SLC15A5: variants seen among roughly 807,000 people sequenced by gnomAD.
SLC15A5 encodes Peptide/histidine transporter ENSP00000340402.
In SLC15A5, 58 loss-of-function variants were observed where a neutral mutation model predicts 56.1. The ratio of observed to expected loss-of-function variants is 1.03; its 90% CI spans 0.84 to 1.29. The LOEUF (loss-of-function observed/expected upper bound fraction) is 1.29, where lower values mean the gene tolerates loss of function less well. Ranked by LOEUF, SLC15A5 falls within the 50% of genes most tolerant of loss-of-function variation. SLC15A5 has a pLI of 0.00. For synonymous variants in SLC15A5, 264 were observed against 250.5 expected, an observed-to-expected ratio of 1.05 and a Z score of -0.51; for missense variants, 681 against 672.1, an observed-to-expected ratio of 1.01 and a Z score of -0.15.
At chr12:16,276,269 G>A (rs939327072) in intron 1 of SLC15A5, among the ~76,000 whole-genome samples, 1 of 151,820 alleles carries the variant, frequency 6.6e-6, no homozygotes, top group Admixed American at 6.6e-5. Context: ...ACCTGCCTGA[G>A]ATTGTGTGAT....
intron 5 of SLC15A5, among the ~76,000 whole-genome samples, chr12:16,229,639 C>CACACAT (rs1864275312): frequency 9.0e-6 from 1 of 111,654 alleles, no homozygotes; most frequent in Non-Finnish European, 1.8e-5. Context: ...GTAAGCAACA[C>CACACAT]ACACACATAC....
chr12:16,213,735 A>G (rs1333856758), intron 7 of SLC15A5, among the ~76,000 whole-genome samples: 1 of 152,204 alleles, frequency 6.6e-6, no homozygotes, highest in Non-Finnish European at 1.5e-5. Context: ...GATGAGTGGT[A>G]ATTTAAATGG....
intron 7 of SLC15A5, among the ~76,000 whole-genome samples, chr12:16,199,035 C>T (rs1863923381): frequency 6.6e-6 from 1 of 151,972 alleles, no homozygotes; most frequent in Non-Finnish European, 1.5e-5. Context: ...AGGCCAGCTG[C>T]ACTCCACCCG....
rs567983496 is a variant in SLC15A5, at chr12:16,235,917, C to G, written c.1162+3764G>C. 6.6e-6 allele frequency among the ~76,000 whole-genome samples: 1 copy of G among 152,226 alleles called. No individual in the cohort carries two copies. Among genetic ancestry groups the G allele is most frequent in the South Asian group, 2.1e-4 (1 of 4,824 alleles). On this transcript the variant is annotated intron_variant, in intron 5 of 8. Coordinates refer to ENST00000344941, the MANE Select transcript of SLC15A5 (RefSeq NM_001170798.1). The surrounding 1 kb of genome is among the most constrained non-coding windows in gnomAD (Gnocchi z 4.1). Reference sequence around the variant, plus strand: ...CTGGTTATGTATACAGGGACCTACACTGACTGTGACTATATCATAAAAGAC... The same window carrying G: ...CTGGTTATGTATACAGGGACCTACAGTGACTGTGACTATATCATAAAAGAC...
chr12:16,231,240 G>A (rs1864294956), intron 5 of SLC15A5, among the ~76,000 whole-genome samples: 1 of 152,182 alleles, frequency 6.6e-6, no homozygotes, highest in Non-Finnish European at 1.5e-5. Context: ...ATCTAGAGCA[G>A]TTTAGGGACT....
intron 1 of SLC15A5, among the ~76,000 whole-genome samples, chr12:16,276,561 C>T (rs1565677954): frequency 6.6e-6 from 1 of 151,994 alleles, no homozygotes; most frequent in African/African-American, 2.4e-5. Flanking sequence ...GGTTGTCCAT[C>T]CTGTATTGCA....
intron 3 of SLC15A5, among the ~76,000 whole-genome samples, chr12:16,251,860 CAAGAA>C (rs1170862268): frequency 6.6e-6 from 1 of 151,784 alleles, no homozygotes; most frequent in Non-Finnish European, 1.5e-5. Flanking sequence ...AAAGACATAA[CAAGAA>C]AAGTACAGAT....
intron 6 of SLC15A5, among the ~76,000 whole-genome samples, chr12:16,217,708 T>TATC (rs1864144022): frequency 6.6e-6 from 1 of 152,128 alleles, no homozygotes; most frequent in Non-Finnish European, 1.5e-5. Flanking sequence ...GTATTAATCT[T>TATC]ATCAAATTGA....
chr12:16,190,911 T>C (rs1863833205), intron 8 of SLC15A5, among the ~76,000 whole-genome samples: 1 of 152,148 alleles, frequency 6.6e-6, no homozygotes, highest in African/African-American at 2.4e-5. Flanking sequence ...TTCACAACAC[T>C]GGAAGGACAG....
intron 2 of SLC15A5, among the ~76,000 whole-genome samples, chr12:16,270,973 A>C (rs540733198): frequency 8.5e-5 from 13 of 152,310 alleles, no homozygotes; most frequent in African/African-American, 3.1e-4. Context: ...TAACAGCCTG[A>C]TTCTTTATAC....
At chr12:16,229,876 A>G (rs945325070) in intron 5 of SLC15A5, among the ~76,000 whole-genome samples, 1 of 152,190 alleles carries the variant, frequency 6.6e-6, no homozygotes, top group Non-Finnish European at 1.5e-5. Context: ...AAGTAGTGTC[A>G]TCTAATCTTC....
At chr12:16,247,680 G>A (rs1864475838) in intron 3 of SLC15A5, among the ~76,000 whole-genome samples, 2 of 152,050 alleles carry the variant, frequency 1.3e-5, no homozygotes, top group South Asian at 2.1e-4. Context: ...TAGCCAGGAC[G>A]GGTTCAGAAA....
chr12:16,217,247 A>C (rs548939720), intron 6 of SLC15A5, among the ~76,000 whole-genome samples: 1 of 152,292 alleles, frequency 6.6e-6, no homozygotes, highest in East Asian at 1.9e-4. Context: ...CCCAGCTACA[A>C]TGAGAATTTG....
chr12:16,200,196 T>C (rs193085205), intron 7 of SLC15A5, among the ~76,000 whole-genome samples: 1 of 150,120 alleles, frequency 6.7e-6, no homozygotes, highest in Non-Finnish European at 1.5e-5. Flanking sequence ...AATAATATTA[T>C]TAATAATAAT....
chr12:16,262,205 A>G (rs1198081575), intron 2 of SLC15A5, among the ~76,000 whole-genome samples: 2 of 152,258 alleles, frequency 1.3e-5, no homozygotes, highest in African/African-American at 4.8e-5. Flanking sequence ...TAATTCGGCT[A>G]AATATCCTGT....
chr12:16,231,746 G>A (rs1028104968), intron 5 of SLC15A5, among the ~76,000 whole-genome samples: 1 of 152,198 alleles, frequency 6.6e-6, no homozygotes, highest in Non-Finnish European at 1.5e-5. Context: ...AGAAGGCTGA[G>A]GCTGAAAATG....
At chr12:16,259,316 T>A (rs1864615827) in intron 2 of SLC15A5, among the ~76,000 whole-genome samples, 1 of 151,556 alleles carries the variant, frequency 6.6e-6, no homozygotes, top group Non-Finnish European at 1.5e-5. Flanking sequence ...TTTCCTTCAT[T>A]CTTTCCTTCC....
At chr12:16,261,102 G>A (rs1375776555) in intron 2 of SLC15A5, among the ~76,000 whole-genome samples, 1 of 151,816 alleles carries the variant, frequency 6.6e-6, no homozygotes, top group African/African-American at 2.4e-5. Context: ...GCAGTAAACT[G>A]CATATATTTG....
At chr12:16,251,886 G>A (rs796126760) in intron 3 of SLC15A5, among the ~76,000 whole-genome samples, 14 of 152,020 alleles carry the variant, frequency 9.2e-5, no homozygotes, top group African/African-American at 3.4e-4. Flanking sequence ...CAATAGTTCT[G>A]ATGAATATTG....
Sources: gnomAD v4.1 joint callset for allele counts (sites outside exome capture counted in the v4.1 genomes callset) on GRCh38, gnomAD v4.1.1 for gene constraint, Gnocchi (gnomAD v3.1) non-coding constraint, MANE v1.5 for transcripts, NCBI Gene and HGNC (gene_info 2026-07-23, HGNC 2026-07-21) for gene names.